Variants in GALM observed in about 807,000 individuals in gnomAD.
The protein encoded by GALM is aldose 1-epimerase.
GALM carries 43 observed loss-of-function variants against 37.4 expected under a neutral mutation model. That is an observed-to-expected ratio of 1.15 (90% CI 0.90 to 1.48). The LOEUF is 1.48. Ranked by LOEUF, GALM falls within the 40% of genes most tolerant of loss-of-function variation. The pLI is 0.00. For synonymous variants in GALM, 199 were observed against 170.6 expected (o/e 1.17, Z -1.30); for missense variants, 456 against 419.1 (o/e 1.09, Z -0.77).
intron 3 of GALM, among the ~76,000 whole-genome samples, chr2:38,685,819 G>A (rs924220030): frequency 1.3e-5 from 2 of 152,058 alleles, no homozygotes; most frequent in Admixed American, 6.6e-5. Flanking sequence ...CCAAGTTCCA[G>A]GGATTCTCCC....
chr2:38,706,731 T>C (rs1027964539), intron 4 of GALM, among the ~76,000 whole-genome samples: 1 of 151,636 alleles, frequency 6.6e-6, no homozygotes, highest in Non-Finnish European at 1.5e-5. Flanking sequence ...GAGACCAGTT[T>C]AGATGCTGTT....
chr2:38,679,903 G>T (rs1002010631), intron 2 of GALM, among the ~76,000 whole-genome samples: 2 of 152,144 alleles, frequency 1.3e-5, no homozygotes, highest in Admixed American at 6.6e-5. Context: ...ATAAGTGTTC[G>T]TTTTCCCTTC....
chr2:38,678,897 A>C (rs1665325430), intron 2 of GALM, among the ~76,000 whole-genome samples: 1 of 152,188 alleles, frequency 6.6e-6, no homozygotes, highest in Admixed American at 6.5e-5. Flanking sequence ...TTCAGACAAA[A>C]ACTTCACTGA....
At chr2:38,675,181 C>A (rs1403230400) in intron 1 of GALM, among the ~76,000 whole-genome samples, 2 of 151,926 alleles carry the variant, frequency 1.3e-5, no homozygotes, top group East Asian at 1.9e-4. Context: ...TCTTAACAAC[C>A]ACCACCACAA....
chr2:38,697,340 C>A (rs934206105), intron 4 of GALM, among the ~76,000 whole-genome samples: 18 of 152,122 alleles, frequency 1.2e-4, no homozygotes, highest in Admixed American at 6.5e-5. Flanking sequence ...TCAGCCAAGT[C>A]CTGCAGGGTT....
rs1238578314 is a variant in GALM, at chr2:38,666,454, G to T, written c.190+103G>T. 4.4e-6 allele frequency: 4 copies of T among 907,180 alleles called. No individual in the cohort carries two copies. The East Asian group carries it at 1.1e-4, about 24-fold the overall frequency. The allele number at this position is 907,180 out of a possible 1,614,324, so 56.2% of individuals were successfully genotyped here. On this transcript the variant is annotated intron_variant, in intron 1 of 6. Coordinates refer to ENST00000272252, the MANE Select transcript of GALM (RefSeq NM_138801.3). ...GCAATGCGAGGGACCAAGGGGGAAAGTCGCCTAGCTTGGGACCGTCTGACT... is the reference window on the plus strand; with the variant it reads ...GCAATGCGAGGGACCAAGGGGGAAATTCGCCTAGCTTGGGACCGTCTGACT...
chr2:38,693,498 A>AG (rs1491576314), intron 4 of GALM, among the ~76,000 whole-genome samples: 8 of 150,574 alleles, frequency 5.3e-5, no homozygotes, highest in African/African-American at 1.2e-4. Context: ...AAAAAAAAAA[A>AG]AGAGAGAGAG....
At chr2:38,673,046 T>C (rs937775541) in intron 1 of GALM, among the ~76,000 whole-genome samples, 2 of 152,038 alleles carry the variant, frequency 1.3e-5, no homozygotes, top group Non-Finnish European at 2.9e-5. Flanking sequence ...TTAGCTATTA[T>C]GATAGTCAAT....
At chr2:38,702,841 C>T (rs1173905384) in intron 4 of GALM, among the ~76,000 whole-genome samples, 5 of 149,102 alleles carry the variant, frequency 3.4e-5, no homozygotes, top group African/African-American at 1.2e-4. Context: ...GCTTATTTTG[C>T]CCCCAGCCAG....
chr2:38,690,191 G>T (rs1418858929), intron 4 of GALM, among the ~76,000 whole-genome samples: 1 of 152,042 alleles, frequency 6.6e-6, no homozygotes, highest in Admixed American at 6.6e-5. Context: ...CTTTACTGGG[G>T]CTGGGCGCGG....
At chr2:38,718,350 C>T (rs1444552418) in intron 4 of GALM, among the ~76,000 whole-genome samples, 1 of 151,494 alleles carries the variant, frequency 6.6e-6, no homozygotes, top group Non-Finnish European at 1.5e-5. Flanking sequence ...CAAGTGCCAC[C>T]ACCTCGCCCA....
chr2:38,725,965 G>T (rs1666477625), intron 4 of GALM, among the ~76,000 whole-genome samples: 1 of 152,060 alleles, frequency 6.6e-6, no homozygotes, highest in Non-Finnish European at 1.5e-5. Context: ...GCCCACCTCA[G>T]CCTCCCAAAC....
At chr2:38,702,748 T>C (rs1476051132) in intron 4 of GALM, among the ~76,000 whole-genome samples, 1 of 151,748 alleles carries the variant, frequency 6.6e-6, no homozygotes, top group African/African-American at 2.4e-5. Flanking sequence ...TCTCTTCGGG[T>C]TGAAGCTAGA....
At chr2:38,720,266 G>C (rs1391618815) in intron 4 of GALM, among the ~76,000 whole-genome samples, 1 of 151,866 alleles carries the variant, frequency 6.6e-6, no homozygotes, top group Non-Finnish European at 1.5e-5. Flanking sequence ...CCAGATTCTA[G>C]GCTTTCTGAG....
intron 4 of GALM, among the ~76,000 whole-genome samples, chr2:38,708,749 A>G (rs1334854372): frequency 6.7e-6 from 1 of 149,144 alleles, no homozygotes; most frequent in Admixed American, 6.7e-5. Flanking sequence ...AAAAAAAAAA[A>G]GAAAGTGCTG....
At chr2:38,680,718 A>G (rs1034362015) in intron 2 of GALM, among the ~76,000 whole-genome samples, 1 of 152,224 alleles carries the variant, frequency 6.6e-6, no homozygotes, top group South Asian at 2.1e-4. Flanking sequence ...AGATTAAAAA[A>G]AAAAATCAAA....
chr2:38,701,743 C>G (rs1164036715), intron 4 of GALM, among the ~76,000 whole-genome samples: 1 of 152,140 alleles, frequency 6.6e-6, no homozygotes, highest in Non-Finnish European at 1.5e-5. Flanking sequence ...CTATCTCTGC[C>G]TTGGAGAAAT....
At chr2:38,703,785 G>C (rs572055986) in intron 4 of GALM, among the ~76,000 whole-genome samples, 1 of 152,194 alleles carries the variant, frequency 6.6e-6, no homozygotes, top group Non-Finnish European at 1.5e-5. Flanking sequence ...GGCTGAGGTG[G>C]GCAGATTGCC....
chr2:38,682,355 A>G, intron 3 of GALM: 4 of 371,170 alleles, frequency 1.1e-5, no homozygotes, highest in South Asian at 5.7e-5. Context: ...ATCATTGTCT[A>G]CTATACTTGA....
Sources: gnomAD v4.1 joint callset for allele counts (sites outside exome capture counted in the v4.1 genomes callset) on GRCh38, gnomAD v4.1.1 for gene constraint, MANE v1.5 for transcripts, NCBI Gene and HGNC (gene_info 2026-07-23, HGNC 2026-07-21) for gene names.